The following COG2 variants were observed in gnomAD, a reference collection of about 807,000 sequenced individuals.
The protein encoded by COG2 is component of oligomeric golgi complex 2, also known as conserved oligomeric Golgi complex subunit 2.
Under a neutral mutation model 90.6 loss-of-function variants are expected in COG2, and 52 were observed. The observed-to-expected ratio is 0.57, with a 90% confidence interval of 0.46 to 0.72. COG2 has a LOEUF of 0.72. COG2 is among the 30% of genes least tolerant of loss of function. COG2 has a pLI of 0.00. For missense variants in COG2, 829 were observed against 891.2 expected, an observed-to-expected ratio of 0.93 and a Z score of 0.89; for synonymous variants, 337 against 320.4, an observed-to-expected ratio of 1.05 and a Z score of -0.55.
chr1:230,680,518 A>C (rs1270730510), intron 10 of COG2: 1 of 152,172 alleles, frequency 6.6e-6, no homozygotes, highest in Non-Finnish European at 1.5e-5. Flanking sequence ...CTTCAGCTGC[A>C]TCTCCCTTCC....
intron 11 of COG2, among the ~76,000 whole-genome samples, chr1:230,684,733 GA>G (rs1662844410): frequency 6.6e-6 from 1 of 152,218 alleles, no homozygotes; most frequent in Non-Finnish European, 1.5e-5. Context: ...GGACAAATTT[GA>G]AACTGAAGTT....
chr1:230,670,589 ACATT>A (rs1179652658), intron 7 of COG2: 1 of 152,112 alleles, frequency 6.6e-6, no homozygotes, highest in Non-Finnish European at 1.5e-5. Flanking sequence ...AAAATTACAT[ACATT>A]ATTTCTTTGT....
intron 1 of COG2, among the ~76,000 whole-genome samples, chr1:230,649,363 C>T (rs1390631063): frequency 6.6e-6 from 1 of 152,108 alleles, no homozygotes; most frequent in African/African-American, 2.4e-5. Context: ...GGGAAGAGCT[C>T]CAGGGACGTT....
intron 1 of COG2, among the ~76,000 whole-genome samples, chr1:230,653,235 T>TG (rs1319955341): frequency 3.0e-3 from 444 of 148,238 alleles, no homozygotes; most frequent in Non-Finnish European, 4.9e-3. Context: ...TTTTTTTTTT[T>TG]GGGGAGACAG....
At chr1:230,652,034 A>G (rs1420848882) in intron 1 of COG2, among the ~76,000 whole-genome samples, 2 of 152,218 alleles carry the variant, frequency 1.3e-5, no homozygotes, top group African/African-American at 4.8e-5. Context: ...CTGAAGTGCC[A>G]TAGTTTTTAT....
intron 1 of COG2, among the ~76,000 whole-genome samples, chr1:230,658,656 A>G (rs903735530): frequency 8.5e-5 from 13 of 152,192 alleles, no homozygotes; most frequent in African/African-American, 3.1e-4. Context: ...ACCCGCAGCC[A>G]TCCCTTCCCC....
chr1:230,677,989 A>G, intron 9 of COG2: 2 of 985,058 alleles, frequency 2.0e-6, no homozygotes, highest in Non-Finnish European at 2.4e-6. Flanking sequence ...AAGTTTGCCC[A>G]AAACCATTTG....
intron 10 of COG2, chr1:230,682,441 C>T (rs759798878): frequency 1.3e-5 from 2 of 152,230 alleles, no homozygotes; most frequent in Non-Finnish European, 2.9e-5. Context: ...TACCTCTCAA[C>T]TGCAGCTTGA....
Position 230,660,809 on chromosome 1 carries a change from CGAG to C in COG2, c.287_289del (p.Arg96_Glu97delinsGln), listed in dbSNP as rs1468316377. On this transcript the variant is annotated inframe_deletion, in exon 3 of 18. Transcript: ENST00000366669. ...GCTTTCTGTGCCTTTGGGACAATTA[CGAG>C]AAGAGGTTCTGGTAAGTTTCCCGAA... is the stretch of plus-strand genomic sequence containing the variant. The C allele has an allele frequency of 6.3e-7, 1 of 1,586,474 alleles. No individual in the cohort carries two copies. The highest frequency in any genetic ancestry group is 1.8e-5 in the Admixed American group (1 of 55,004).
rs919514328 is a variant in COG2, at chr1:230,675,013, T to C, written c.915T>C (p.Thr305=). The change falls in exon 9 of 18, where the codon ACT becomes ACC. Residue 305 remains threonine, a synonymous_variant. Coordinates refer to ENST00000366669, the MANE Select transcript of COG2 (RefSeq NM_007357.3). ...TATTTTACAGTGAAAAAGGCAATAC[T>C]GTTCCTGGATATGACTTTTTGGTGA... ...GGAISSEKGN[T]VPGYDFLVNS... The C allele has an allele frequency of 3.1e-6, 5 of 1,610,302 alleles. No individual in the cohort carries two copies. Among genetic ancestry groups the C allele is most frequent in the Non-Finnish European group, 4.2e-6 (5 of 1,178,202 alleles).
intron 1 of COG2, among the ~76,000 whole-genome samples, chr1:230,643,918 T>C (rs527440872): frequency 6.6e-6 from 1 of 152,254 alleles, no homozygotes; most frequent in South Asian, 2.1e-4. Context: ...GGGTACATGC[T>C]GGGGAGAGGT....
chr1:230,646,363 C>A (rs1281151132), intron 1 of COG2, among the ~76,000 whole-genome samples: 1 of 152,162 alleles, frequency 6.6e-6, no homozygotes, highest in Non-Finnish European at 1.5e-5. Context: ...CAAATGCTCC[C>A]TTCATTTGCT....
chr1:230,678,594 C>A, intron 9 of COG2: 1 of 1,264,138 alleles, frequency 7.9e-7, no homozygotes. Context: ...AATCTGCTGT[C>A]AATTCTAATT....
intron 1 of COG2, among the ~76,000 whole-genome samples, chr1:230,644,526 ATT>A (rs1408240370): frequency 1.3e-5 from 2 of 152,118 alleles, no homozygotes; most frequent in Non-Finnish European, 2.9e-5. Flanking sequence ...GCATTGGGAG[ATT>A]TGAGATTGCT....
chr1:230,659,530 G>A lies in COG2; in HGVS notation c.139G>A (p.Asp47Asn). The A allele has an allele frequency of 6.2e-7, 1 of 1,613,872 alleles. No individual in the cohort carries two copies. Among genetic ancestry groups the A allele is most frequent in the Non-Finnish European group, 8.5e-7 (1 of 1,179,762 alleles). ...GCGGGTCCAGCTGGAAGAACTGAGA[G>A]ATGACCTGGAGCTCTACTATAAACT... ...RKRVQLEELRDDLELYYKLLK... is the reference protein window; with the variant it reads ...RKRVQLEELRNDLELYYKLLK... Residue 47 changes from aspartate to asparagine, a missense_variant, in exon 2 of 18, where the codon GAT becomes AAT. Physicochemically the swap from Asp to Asn is conservative, Grantham distance 23 (BLOSUM62 1). Coordinates refer to ENST00000366669, the MANE Select transcript of COG2 (RefSeq NM_007357.3).
rs1326246938 is a variant in COG2 at position 230,678,914 on chromosome 1, A to C, written c.1028A>C (p.Lys343Thr). 2.5e-6 allele frequency: 4 copies of C among 1,610,082 alleles called. No homozygotes were observed. In the Admixed American group the frequency reaches 6.7e-5, roughly 27 times the overall value. Reference protein sequence around the residue: ...NPGNPDAFHEKYTISMDFVRR... With the variant: ...NPGNPDAFHETYTISMDFVRR... Reference sequence around the variant, plus strand: ...AATTTTCCTTTTGTTTTATTTTAGAAATATACCATAAGTATGGATTTTGTC... The same window carrying C: ...AATTTTCCTTTTGTTTTATTTTAGACATATACCATAAGTATGGATTTTGTC... Residue 343 changes from lysine (K) to threonine (T), a missense_variant and splice_region_variant, in exon 10 of 18, where the codon AAA becomes ACA. Lys to Thr is a moderately conservative substitution (Grantham distance 78). Transcript: ENST00000366669.
At chr1:230,688,278 A>G in intron 14 of COG2, 135 bp downstream of exon 14, 1 of 1,260,640 alleles carries the variant, frequency 7.9e-7, no homozygotes, top group Non-Finnish European at 1.1e-6. Flanking sequence ...CTGTATTATA[A>G]CTTACCTAAA....
At chr1:230,691,652 A>T (rs985789694) in intron 17 of COG2, 88 bp downstream of exon 17, 32 of 1,260,872 alleles carry the variant, frequency 2.5e-5, no homozygotes, top group Non-Finnish European at 3.3e-5. Context: ...GTGATCCCAG[A>T]GATGCTGTCG....
chr1:230,663,968 C>T (rs1662252208), intron 4 of COG2, among the ~76,000 whole-genome samples: 1 of 152,184 alleles, frequency 6.6e-6, no homozygotes, highest in African/African-American at 2.4e-5. Context: ...AGGCAGATCG[C>T]TTGAGCTCAG....
Sources: gnomAD v4.1 joint callset for allele counts (sites outside exome capture counted in the v4.1 genomes callset) on GRCh38, gnomAD v4.1.1 for gene constraint, MANE v1.5 for transcripts, NCBI Gene and HGNC (gene_info 2026-07-23, HGNC 2026-07-21) for gene names.